The following RNGTT variants were observed in gnomAD, a reference collection of about 807,000 sequenced individuals.
RNGTT encodes the protein RNA guanylyltransferase and 5'-phosphatase, also known as mRNA-capping enzyme.
In RNGTT, 33 loss-of-function variants were observed where a neutral mutation model predicts 79.3. The ratio of observed to expected loss-of-function variants is 0.42; its 90% CI spans 0.32 to 0.56. The LOEUF (loss-of-function observed/expected upper bound fraction) is 0.56, where lower values mean the gene tolerates loss of function less well. RNGTT is among the 20% of genes least tolerant of loss of function. The pLI, the probability that RNGTT is intolerant of heterozygous loss-of-function variation, is 0.17. For missense variants in RNGTT, 497 were observed against 739.1 expected (o/e 0.67, Z 3.80); for synonymous variants, 222 against 235.9 (o/e 0.94, Z 0.54).
chr6:88,724,273 C>T (rs889805366), intron 13 of RNGTT, among the ~76,000 whole-genome samples: 1 of 152,164 alleles, frequency 6.6e-6, no homozygotes, highest in African/African-American at 2.4e-5. Context: ...TCCAGTCCTG[C>T]AAGTTCTATT....
At chr6:88,701,704 T>C (rs1417850428) in intron 13 of RNGTT, among the ~76,000 whole-genome samples, 1 of 152,126 alleles carries the variant, frequency 6.6e-6, no homozygotes, top group African/African-American at 2.4e-5. Flanking sequence ...CATGATTATA[T>C]TCATTTAATA....
At chr6:88,839,206 G>C (rs890217968) in intron 11 of RNGTT, among the ~76,000 whole-genome samples, 1 of 152,060 alleles carries the variant, frequency 6.6e-6, no homozygotes, top group Non-Finnish European at 1.5e-5. Context: ...ACCTATACTG[G>C]AGTGAAGAGA....
intron 12 of RNGTT, among the ~76,000 whole-genome samples, chr6:88,800,134 G>C (rs1779736742): frequency 6.6e-6 from 1 of 152,096 alleles, no homozygotes; most frequent in South Asian, 2.1e-4. Context: ...TTGCATTTTA[G>C]CAGAGATTTA....
Position 88,929,282 on chromosome 6 carries a change from A to C in RNGTT, c.175-15T>G, listed in dbSNP as rs761413741. The C allele has an allele frequency of 9.1e-6, 14 of 1,543,446 alleles. No homozygotes were observed. The highest frequency in any genetic ancestry group is 4.5e-5 in the East Asian group (2 of 44,514). On this transcript the variant is annotated splice_polypyrimidine_tract_variant and intron_variant, in intron 2 of 15. Coordinates refer to ENST00000369485, the MANE Select transcript of RNGTT (RefSeq NM_003800.5). ...CCCATTTTAACCTAAAAAAAAAAAA[A>C]AATGAAAGGGCAAATTTACTAGTAA...
At chr6:88,755,959 C>CAAAA (rs1157096180) in intron 13 of RNGTT, among the ~76,000 whole-genome samples, 35 of 30,508 alleles carry the variant, frequency 1.1e-3, no homozygotes, top group African/African-American at 2.5e-3. Flanking sequence ...GACTCCGTCT[C>CAAAA]AAAAAAAAAA....
At chr6:88,879,883 C>T (rs1254332114) in intron 8 of RNGTT, among the ~76,000 whole-genome samples, 2 of 152,050 alleles carry the variant, frequency 1.3e-5, no homozygotes, top group Non-Finnish European at 2.9e-5. Flanking sequence ...ATGTGACCTG[C>T]TAATTTGTAA....
At chr6:88,807,837 A>T (rs764461270) in intron 11 of RNGTT, among the ~76,000 whole-genome samples, 1 of 152,190 alleles carries the variant, frequency 6.6e-6, no homozygotes, top group Admixed American at 6.5e-5. Context: ...GAGGAACAAA[A>T]ATAAGATTGA....
At chr6:88,869,799 A>G (rs1350281240) in intron 8 of RNGTT, among the ~76,000 whole-genome samples, 3 of 152,134 alleles carry the variant, frequency 2.0e-5, no homozygotes, top group Non-Finnish European at 4.4e-5. Context: ...CCAAGGCCAC[A>G]TCATAGAGCA....
intron 14 of RNGTT, among the ~76,000 whole-genome samples, chr6:88,662,721 G>A (rs1774234555): frequency 6.6e-6 from 1 of 152,230 alleles, no homozygotes; most frequent in Non-Finnish European, 1.5e-5. Context: ...AGCAGATCCT[G>A]GGAGCACTCT....
intron 2 of RNGTT, among the ~76,000 whole-genome samples, chr6:88,930,168 A>ATACATATATGTATATACATATATACAT (rs1562046595): frequency 5.4e-5 from 8 of 146,870 alleles, no homozygotes; most frequent in African/African-American, 2.0e-4. Context: ...ATATATACAT[A>ATACATATATGTATATACATATATACAT]TACATATATG....
At chr6:88,851,867 A>G (rs1781684838) in intron 9 of RNGTT, among the ~76,000 whole-genome samples, 1 of 152,018 alleles carries the variant, frequency 6.6e-6, no homozygotes, top group Admixed American at 6.6e-5. Context: ...TATTTTTAAA[A>G]CTTCACAAGA....
chr6:88,678,906 G>C (rs1263143755), intron 13 of RNGTT, among the ~76,000 whole-genome samples: 1 of 152,134 alleles, frequency 6.6e-6, no homozygotes, highest in Non-Finnish European at 1.5e-5. Flanking sequence ...AGTTTGAACA[G>C]CATGAGTCCA....
chr6:88,734,425 C>A (rs1486124335), intron 13 of RNGTT, among the ~76,000 whole-genome samples: 2 of 151,826 alleles, frequency 1.3e-5, no homozygotes, highest in Non-Finnish European at 2.9e-5. Context: ...AGAACAAGTA[C>A]AACAAATAAA....
intron 12 of RNGTT, among the ~76,000 whole-genome samples, chr6:88,795,991 G>A (rs1779589516): frequency 6.6e-6 from 1 of 152,086 alleles, no homozygotes; most frequent in African/African-American, 2.4e-5. Context: ...TACAAGAAAT[G>A]GGAAACAATA....
At position 88,612,256 on chromosome 6, in the gene RNGTT, T is replaced by G. The variant is rs1415393208; in HGVS notation, c.*463A>C. ...AGAAATGTAGGAAATCCATGGTAAA[T>G]GATAGCAAGAATGTTTAATGCCATT... On this transcript the variant is annotated 3_prime_UTR_variant, in exon 16 of 16. Transcript: ENST00000369485. 1 of 153,398 alleles carries G rather than the reference T, an allele frequency of 6.5e-6. No homozygotes were observed. Among genetic ancestry groups the G allele is most frequent in the Non-Finnish European group, 1.5e-5 (1 of 68,608 alleles). 9.5% of individuals were successfully genotyped at this position (153,398 alleles called of 1,614,324 possible). A position where few individuals can be genotyped will look rare whatever the true frequency, so the allele number is the denominator to read the frequency against.
chr6:88,914,637 C>T (rs1783939891), intron 4 of RNGTT, among the ~76,000 whole-genome samples: 1 of 151,988 alleles, frequency 6.6e-6, no homozygotes, highest in African/African-American at 2.4e-5. Context: ...AAAAAAAAAG[C>T]TCAAGATGGC....
chr6:88,755,607 A>T (rs1005992263), intron 13 of RNGTT, among the ~76,000 whole-genome samples: 1 of 152,168 alleles, frequency 6.6e-6, no homozygotes, highest in Non-Finnish European at 1.5e-5. Flanking sequence ...TTCTAAAGTA[A>T]GAAGAAAGGT....
chr6:88,761,815 C>T (rs1037369497), intron 13 of RNGTT, among the ~76,000 whole-genome samples: 7 of 152,010 alleles, frequency 4.6e-5, no homozygotes, highest in Non-Finnish European at 1.0e-4. Context: ...AAGTGCTGAC[C>T]CTTGCTGTAA....
intron 14 of RNGTT, among the ~76,000 whole-genome samples, chr6:88,621,678 AG>A (rs1410191752): frequency 6.6e-6 from 1 of 152,002 alleles, no homozygotes; most frequent in Non-Finnish European, 1.5e-5. Context: ...TTAAATAAAA[AG>A]TATGCGAGGC....
Sources: gnomAD v4.1 joint callset for allele counts (sites outside exome capture counted in the v4.1 genomes callset) on GRCh38, gnomAD v4.1.1 for gene constraint, MANE v1.5 for transcripts, NCBI Gene and HGNC (gene_info 2026-07-23, HGNC 2026-07-21) for gene names.